YPEL1: variants seen among roughly 807,000 people sequenced by gnomAD.
YPEL1 encodes yippee like 1, also known as protein yippee-like 1.
A neutral mutation model predicts 17.3 loss-of-function variants in YPEL1; 7 were observed. That is an observed-to-expected ratio of 0.40 (90% CI 0.23 to 0.76). The LOEUF is 0.76. Among genes scored for constraint, YPEL1 ranks in the 30% least tolerant of loss-of-function variants. The pLI, the probability that YPEL1 is intolerant of heterozygous loss-of-function variation, is 0.35. For synonymous variants in YPEL1, 59 were observed against 59.6 expected, an observed-to-expected ratio of 0.99 and a Z score of 0.05; for missense variants, 91 against 155.5, an observed-to-expected ratio of 0.59 and a Z score of 2.21.
At chr22:21,719,516 G>A (rs766618566) in intron 1 of YPEL1, among the ~76,000 whole-genome samples, 1 of 152,118 alleles carries the variant, frequency 6.6e-6, no homozygotes, top group Admixed American at 6.6e-5. Context: ...GGTCTCTAGC[G>A]TTCAGAATCC....
chr22:21,712,332 C>T (rs1207863890), intron 1 of YPEL1, among the ~76,000 whole-genome samples: 2 of 145,158 alleles, frequency 1.4e-5, no homozygotes, highest in Non-Finnish European at 3.0e-5. Context: ...CTCTATATAT[C>T]CATATTCTCT....
chr22:21,702,698 G>A (rs1206661195), intron 4 of YPEL1, among the ~76,000 whole-genome samples: 1 of 152,176 alleles, frequency 6.6e-6, no homozygotes, highest in African/African-American at 2.4e-5. Context: ...TCAAAACCAT[G>A]GAATCTCAGG....
intron 1 of YPEL1, among the ~76,000 whole-genome samples, chr22:21,717,089 G>T (rs1015781703): frequency 2.6e-5 from 4 of 152,016 alleles, no homozygotes; most frequent in Admixed American, 2.0e-4. Flanking sequence ...CGAGAGGCCG[G>T]GCGCGCTGGC....
Position 21,724,572 on chromosome 22 carries a change from CTT to C in YPEL1, c.-165+11041_-165+11042del, listed in dbSNP as rs111485924. Among the ~76,000 whole-genome samples the C allele has an allele frequency of 7.4e-3, 997 of 134,482 alleles. 6 individuals are homozygous for C. Among genetic ancestry groups the C allele is most frequent in the African/African-American group, 0.021 (755 of 36,386 alleles). 88.2% of individuals were successfully genotyped at this position (134,482 alleles called of 152,430 possible). The stretch of plus-strand genomic sequence containing the variant: ...AAATAGTTCATTAAAAAATTTTTTT[CTT>C]TTTTTTTTTTTTTGTTTTTGTTTTG... On this transcript the variant is annotated intron_variant, in intron 1 of 4. Coordinates refer to ENST00000339468, the MANE Select transcript of YPEL1 (RefSeq NM_013313.5).
intron 1 of YPEL1, among the ~76,000 whole-genome samples, chr22:21,725,822 GTCTCTACCAAA>G (rs2068330313): frequency 8.5e-6 from 1 of 118,190 alleles, no homozygotes; most frequent in Non-Finnish European, 1.7e-5. Context: ...GTGAGACCCT[GTCTCTACCAAA>G]GGAAAAAAAA....
At chr22:21,718,429 C>T (rs1162951090) in intron 1 of YPEL1, among the ~76,000 whole-genome samples, 1 of 151,682 alleles carries the variant, frequency 6.6e-6, no homozygotes, top group Non-Finnish European at 1.5e-5. Flanking sequence ...CGCACCACTG[C>T]ACTCCAGCCT....
intron 1 of YPEL1, among the ~76,000 whole-genome samples, chr22:21,727,475 C>A (rs535609208): frequency 5.3e-5 from 8 of 152,194 alleles, no homozygotes; most frequent in Admixed American, 2.6e-4. Context: ...TGTGTCCCCA[C>A]GTTTGGAGGG....
intron 1 of YPEL1, among the ~76,000 whole-genome samples, chr22:21,725,862 G>C (rs1273741591): frequency 6.6e-6 from 1 of 151,840 alleles, no homozygotes; most frequent in East Asian, 1.9e-4. Flanking sequence ...AGCCGGGCAC[G>C]GTGGCACATG....
chr22:21,710,709 C>A lies in YPEL1; in HGVS notation c.36G>T (p.Ala12=), dbSNP rs751203740. The change falls in exon 2 of 5, where the codon GCG becomes GCT. Residue 12 remains alanine, a synonymous_variant. Transcript: ENST00000339468. ...ACGTTCGGTGACAGTTCGGCAGATA[C>A]GCTTGGAAAGTTTTGGACTTTGTCA... ...VKMTKSKTFQ[A]YLPNCHRTYS... is the part of the protein sequence containing the mutation. 6.2e-7 allele frequency: 1 copy of A among 1,614,194 alleles called. No homozygotes were observed.
intron 1 of YPEL1, among the ~76,000 whole-genome samples, chr22:21,734,730 G>A (rs1015243608): frequency 6.6e-6 from 1 of 152,204 alleles, no homozygotes; most frequent in Non-Finnish European, 1.5e-5. Context: ...CCTGGCAGGG[G>A]CTCAGCAAAC....
chr22:21,708,725 G>A (rs1020433679), intron 2 of YPEL1, among the ~76,000 whole-genome samples: 13 of 149,400 alleles, frequency 8.7e-5, no homozygotes, highest in African/African-American at 3.0e-4. Flanking sequence ...GGAGTGCAAT[G>A]GCGCGATCTC....
chr22:21,724,572 CTTT>C (rs111485924), intron 1 of YPEL1, among the ~76,000 whole-genome samples: 7 of 134,566 alleles, frequency 5.2e-5, no homozygotes, highest in African/African-American at 8.2e-5. Flanking sequence ...AAATTTTTTT[CTTT>C]TTTTTTTTTT....
At chr22:21,716,524 G>A (rs995773951) in intron 1 of YPEL1, among the ~76,000 whole-genome samples, 1 of 152,280 alleles carries the variant, frequency 6.6e-6, no homozygotes, top group Non-Finnish European at 1.5e-5. Context: ...ACAGAGCAGT[G>A]ATCATAGGAC....
At chr22:21,721,279 A>AT (rs964038384) in intron 1 of YPEL1, among the ~76,000 whole-genome samples, 7 of 149,994 alleles carry the variant, frequency 4.7e-5, no homozygotes, top group Non-Finnish European at 8.9e-5. Context: ...CGCCCGGCTA[A>AT]TTTTTTTTGT....
intron 1 of YPEL1, among the ~76,000 whole-genome samples, chr22:21,713,652 G>A (rs1307347279): frequency 1.3e-5 from 2 of 152,164 alleles, no homozygotes; most frequent in Non-Finnish European, 2.9e-5. Context: ...GTTGGAGGGT[G>A]GCGATGGCTG....
Position 21,701,291 on chromosome 22 carries a change from A to C in YPEL1, c.271-73T>G, listed in dbSNP as rs556115156. On this transcript the variant is annotated intron_variant, in intron 4 of 4. Coordinates refer to ENST00000339468, the MANE Select transcript of YPEL1 (RefSeq NM_013313.5). ...CAATTTCATCACTCTTTTGGCAAAAACCCCCCCCAAGTCTATACTATGAAC... is the reference window on the plus strand; with the variant it reads ...CAATTTCATCACTCTTTTGGCAAAACCCCCCCCCAAGTCTATACTATGAAC... 1,535 of 1,190,496 alleles carry C rather than the reference A, an allele frequency of 1.3e-3. 3 individuals are homozygous for C. Among genetic ancestry groups the C allele is most frequent in the East Asian group, 4.0e-3 (162 of 40,220 alleles). The allele number at this position is 1,190,496 out of a possible 1,614,324, so 73.7% of individuals were successfully genotyped here.
At chr22:21,723,172 G>C (rs992185779) in intron 1 of YPEL1, 2 of 151,014 alleles carry the variant, frequency 1.3e-5, no homozygotes, top group African/African-American at 4.9e-5. Flanking sequence ...GCAGTGAGTG[G>C]TGCGCCTGGC....
At chr22:21,727,303 T>C (rs755001080) in intron 1 of YPEL1, among the ~76,000 whole-genome samples, 1 of 152,208 alleles carries the variant, frequency 6.6e-6, no homozygotes, top group South Asian at 2.1e-4. Context: ...AAATGACAGA[T>C]CCACTGTTGC....
chr22:21,702,918 GAA>G (rs1304392142), intron 4 of YPEL1, among the ~76,000 whole-genome samples: 2 of 152,176 alleles, frequency 1.3e-5, no homozygotes, highest in Non-Finnish European at 2.9e-5. Flanking sequence ...AGGTCCCTGA[GAA>G]AGAGGGATTT....
Sources: allele counts gnomAD v4.1 joint callset (sites outside exome capture counted in the v4.1 genomes callset), GRCh38; gene constraint gnomAD v4.1.1; transcripts MANE v1.5; gene names NCBI Gene and HGNC (gene_info 2026-07-23, HGNC 2026-07-21).